The following DOK7 variants were observed in gnomAD, a reference collection of about 807,000 sequenced individuals.
The protein encoded by DOK7 is docking protein 7.
In DOK7, 32 loss-of-function variants were observed where a neutral mutation model predicts 30.7. The observed-to-expected ratio is 1.04, with a 90% confidence interval of 0.79 to 1.40. The LOEUF (loss-of-function observed/expected upper bound fraction) is 1.40, where lower values mean the gene tolerates loss of function less well. DOK7 is among the 40% of genes most tolerant of loss of function. The pLI is 0.00. For missense variants in DOK7, 1,007 were observed against 699.2 expected (o/e 1.44, Z -4.97); for synonymous variants, 447 against 324.1 (o/e 1.38, Z -4.07).
chr4:3,464,639 C>T (rs1390211332), intron 2 of DOK7, among the ~76,000 whole-genome samples: 1 of 152,194 alleles, frequency 6.6e-6, no homozygotes, highest in Non-Finnish European at 1.5e-5. Context: ...CGTGGTGGGG[C>T]AGGTGATGCT....
intron 6 of DOK7, among the ~76,000 whole-genome samples, chr4:3,492,089 G>C (rs1418685877): frequency 6.6e-6 from 1 of 152,244 alleles, no homozygotes; most frequent in Admixed American, 6.5e-5. Flanking sequence ...CTGGAAGGCA[G>C]AGCAGGCAGC....
intron 2 of DOK7, among the ~76,000 whole-genome samples, chr4:3,466,410 C>G (rs1207667728): frequency 5.9e-5 from 9 of 152,054 alleles, no homozygotes; most frequent in Non-Finnish European, 1.2e-4. Context: ...TCCTGGGGCC[C>G]TGCCCTCCAC....
chr4:3,465,615 G>A (rs1010137683), intron 2 of DOK7, among the ~76,000 whole-genome samples: 2 of 152,208 alleles, frequency 1.3e-5, no homozygotes, highest in African/African-American at 2.4e-5. Flanking sequence ...TCGTGAGCAC[G>A]TCTTTCTGTT....
At chr4:3,490,445 T>C (rs116160042) in intron 6 of DOK7, among the ~76,000 whole-genome samples, 13 of 56,890 alleles carry the variant, frequency 2.3e-4, no homozygotes, top group African/African-American at 8.2e-4. Flanking sequence ...CCTTCATTTC[T>C]CTCCTGCTCA....
intron 2 of DOK7, among the ~76,000 whole-genome samples, chr4:3,469,630 C>T (rs1726638446): frequency 6.6e-6 from 1 of 152,172 alleles, no homozygotes; most frequent in African/African-American, 2.4e-5. Flanking sequence ...TCCCCCAGAC[C>T]TGTGTCTACC....
chr4:3,496,477 G>A (rs1406166755), downstream of DOK7, among the ~76,000 whole-genome samples: 2 of 152,264 alleles, frequency 1.3e-5, no homozygotes, highest in Admixed American at 6.5e-5. Context: ...GTACTCCTCC[G>A]ATAAAGCTCT....
chr4:3,500,657 GGCGCAGGCTGCCGC>G (rs1406207427), intron 7 of DOK7: 8 of 1,535,594 alleles, frequency 5.2e-6, no homozygotes, highest in Non-Finnish European at 7.0e-6. Context: ...GGTGGCTCGG[GGCGCAGGCTGCCGC>G]TCACTACAGA....
Position 3,493,425 on chromosome 4 carries a change from C to T in DOK7, c.1439C>T (p.Pro480Leu). ...APGEPWEAGG[P>L]HAGPPPAFFS... ...GGCGAGCCCTGGGAAGCAGGCGGCC[C>T]CCACGCGGGGCCACCCCCGGCTTTC... The change falls in exon 7 of 7, where the codon CCC (proline) becomes CTC (leucine). Residue 480 changes from proline (P) to leucine (L), a missense_variant. Pro to Leu is a moderately conservative substitution (Grantham distance 98). Transcript: ENST00000340083. The T allele has an allele frequency of 6.2e-7, 1 of 1,602,018 alleles. No individual in the cohort carries two copies. The highest frequency in any genetic ancestry group is 8.5e-7 in the Non-Finnish European group (1 of 1,174,612).
downstream of DOK7, among the ~76,000 whole-genome samples, chr4:3,496,379 T>C (rs946695535): frequency 2.6e-5 from 4 of 152,202 alleles, no homozygotes; most frequent in Non-Finnish European, 5.9e-5. Flanking sequence ...GCCCACACCC[T>C]CAAGGACGGG....
chr4:3,500,130 T>G, intron 6 of DOK7: 1 of 1,240,686 alleles, frequency 8.1e-7, no homozygotes, highest in East Asian at 2.6e-5. Context: ...ACTTCCAAGG[T>G]GCAGGAGAGG....
chr4:3,500,546 C>T, intron 7 of DOK7: 1 of 1,480,418 alleles, frequency 6.8e-7, no homozygotes, highest in East Asian at 2.5e-5. Flanking sequence ...ATGTCCCCAA[C>T]TCCATCCCTG....
downstream of DOK7, among the ~76,000 whole-genome samples, chr4:3,496,420 C>G (rs1348805430): frequency 6.6e-6 from 1 of 152,246 alleles, no homozygotes; most frequent in South Asian, 2.1e-4. Flanking sequence ...TCGGAGCAGC[C>G]GCTCAGCTCT....
chr4:3,473,288 G>A (rs1362594158), intron 2 of DOK7, 118 bp from the exon 3 acceptor site: 3 of 944,202 alleles, frequency 3.2e-6, no homozygotes, highest in Non-Finnish European at 4.9e-6. Flanking sequence ...TGGCTGAGTG[G>A]CTGGCTTGAG....
downstream of DOK7, among the ~76,000 whole-genome samples, chr4:3,498,089 C>A (rs751970536): frequency 7.9e-5 from 12 of 152,102 alleles, no homozygotes; most frequent in Non-Finnish European, 1.5e-4. Flanking sequence ...CAGAGATGAG[C>A]CAGGCCCAAG....
At position 3,484,551 on chromosome 4, in the gene DOK7, C is replaced by T. The variant is rs968209675; in HGVS notation, c.533-988C>T. 1.1e-5 allele frequency: 11 copies of T among 985,388 alleles called. No homozygotes were observed. In the South Asian group the frequency reaches 3.8e-4, roughly 34 times the overall value. The allele number at this position is 985,388 out of a possible 1,614,324, so 61.0% of individuals were successfully genotyped here. On this transcript the variant is annotated intron_variant, in intron 4 of 6. Transcript: ENST00000340083. ...CAGCCAGCCCAGTGGCCCATTCACG[C>T]GGCCGCCAGGGCTTCATTCACCCCT... is the stretch of plus-strand genomic sequence containing the variant.
chr4:3,472,238 T>C (rs1490491456), intron 2 of DOK7, among the ~76,000 whole-genome samples: 1 of 152,126 alleles, frequency 6.6e-6, no homozygotes, highest in Non-Finnish European at 1.5e-5. Flanking sequence ...CAAAAATGAG[T>C]GTCTGCGTCA....
At chr4:3,498,094 C>T (rs1729010723), downstream of DOK7, among the ~76,000 whole-genome samples, 2 of 152,108 alleles carry the variant, frequency 1.3e-5, no homozygotes, top group African/African-American at 4.8e-5. Context: ...ATGAGCCAGG[C>T]CCAAGTGGTA....
At chr4:3,478,856 G>A (rs1727275084) in intron 4 of DOK7, among the ~76,000 whole-genome samples, 1 of 152,136 alleles carries the variant, frequency 6.6e-6, no homozygotes, top group Non-Finnish European at 1.5e-5. Context: ...TCTTAGACTC[G>A]GCCAAGCGGT....
chr4:3,490,895 TCTTC>T (rs1250970083), intron 6 of DOK7, among the ~76,000 whole-genome samples: 9 of 117,476 alleles, frequency 7.7e-5, no homozygotes, highest in African/African-American at 1.7e-4. Context: ...CTCATTAATT[TCTTC>T]CTTCTCTCCT....
Sources: gnomAD v4.1 joint callset for allele counts (sites outside exome capture counted in the v4.1 genomes callset) on GRCh38, gnomAD v4.1.1 for gene constraint, MANE v1.5 for transcripts, NCBI Gene and HGNC (gene_info 2026-07-23, HGNC 2026-07-21) for gene names.